Variants in FASTKD1 observed in about 807,000 individuals in gnomAD.
The protein encoded by FASTKD1 is FAST kinase domain-containing protein 1, mitochondrial.
Under a neutral mutation model 90.9 loss-of-function variants are expected in FASTKD1, and 94 were observed. The observed-to-expected ratio is 1.03, with a 90% CI of 0.88 to 1.23. FASTKD1 has a LOEUF of 1.23. Ranked by LOEUF, FASTKD1 falls within the 50% of genes most tolerant of loss-of-function variation. The pLI is 0.00. For synonymous variants in FASTKD1, 319 were observed against 345.8 expected, an observed-to-expected ratio of 0.92 and a Z score of 0.86; for missense variants, 945 against 993.5, an observed-to-expected ratio of 0.95 and a Z score of 0.66.
chr2:169,554,622 C>T (rs1574395142), intron 7 of FASTKD1, among the ~76,000 whole-genome samples: 1 of 113,890 alleles, frequency 8.8e-6, no homozygotes, highest in Admixed American at 8.0e-5. Context: ...CAAGATTGCT[C>T]CACTGCACTC....
intron 7 of FASTKD1, among the ~76,000 whole-genome samples, chr2:169,549,675 C>T (rs897092479): frequency 6.6e-6 from 1 of 152,074 alleles, no homozygotes; most frequent in African/African-American, 2.4e-5. Flanking sequence ...CTTTATTGCC[C>T]AGGCTGGTCT....
chr2:169,563,794 T>C (rs1683825548), intron 3 of FASTKD1, among the ~76,000 whole-genome samples: 1 of 152,042 alleles, frequency 6.6e-6, no homozygotes, highest in African/African-American at 2.4e-5. Context: ...CAGCAACACA[T>C]ATGTAATAGC....
In FASTKD1 at chr2:169,547,973, G is replaced by A. The variant is rs35463730; in HGVS notation, c.1215-1269C>T. Among the ~76,000 whole-genome samples, 87 of 94,856 alleles carry A rather than the reference G, an allele frequency of 9.2e-4. 2 individuals are homozygous for A. In the South Asian group the frequency reaches 0.028, roughly 31 times the overall value. The allele number at this position is 94,856 out of a possible 152,430, so 62.2% of individuals were successfully genotyped here. A position where few individuals can be genotyped will look rare whatever the true frequency, so the allele number is the denominator to read the frequency against. ...TAAAGGATTATTCAGGAAAGCCTAA[G>A]ACTTCCTGATGCCCTCCGTCTCAAA... On this transcript the variant is annotated intron_variant, in intron 7 of 14. Coordinates refer to ENST00000453153, the MANE Select transcript of FASTKD1 (RefSeq NM_024622.6).
At chr2:169,569,054 C>G (rs1433087993) in intron 3 of FASTKD1, 130 bp downstream of exon 3, 2 of 724,516 alleles carry the variant, frequency 2.8e-6, no homozygotes, top group Non-Finnish European at 2.3e-6. Flanking sequence ...TAAAACTAAA[C>G]TGAGTTTAAA....
intron 2 of FASTKD1, among the ~76,000 whole-genome samples, chr2:169,569,627 G>T (rs904063415): frequency 1.3e-5 from 2 of 152,304 alleles, no homozygotes; most frequent in Admixed American, 1.3e-4. Flanking sequence ...GAGGCGGGCG[G>T]ATCACTTAAG....
chr2:169,552,980 GCGGAT>G (rs1213312068), intron 7 of FASTKD1, among the ~76,000 whole-genome samples: 2 of 152,062 alleles, frequency 1.3e-5, no homozygotes, highest in Non-Finnish European at 2.9e-5. Context: ...GCCAAAGCAG[GCGGAT>G]CACTTGAGGT....
chr2:169,568,532 C>A (rs368250770), intron 3 of FASTKD1, among the ~76,000 whole-genome samples: 7 of 147,212 alleles, frequency 4.8e-5, no homozygotes, highest in African/African-American at 1.7e-4. Context: ...GTGGCTCATG[C>A]ATATAAACCC....
chr2:169,553,339 T>C (rs1685586481), intron 7 of FASTKD1, among the ~76,000 whole-genome samples: 1 of 149,492 alleles, frequency 6.7e-6, no homozygotes, highest in Non-Finnish European at 1.5e-5. Context: ...CATTTCTAAT[T>C]TAGAACATAA....
chr2:169,569,721 T>G (rs1234931391), intron 2 of FASTKD1, among the ~76,000 whole-genome samples: 3 of 152,024 alleles, frequency 2.0e-5, no homozygotes, highest in Non-Finnish European at 4.4e-5. Flanking sequence ...CGTGGTGGCA[T>G]GTGCCTTTAA....
At position 169,546,417 on chromosome 2, in the gene FASTKD1, C is replaced by T. The variant is rs775202630; in HGVS notation, c.1502G>A (p.Arg501Gln). The T allele has an allele frequency of 3.1e-6, 5 of 1,613,972 alleles. No homozygotes were observed. Among genetic ancestry groups the T allele is most frequent in the Admixed American group, 1.7e-5 (1 of 59,992 alleles). ...LQHSNSLDLL[R>Q]KELKSLKGNT... is the part of the protein sequence containing the mutation. ...TCCTTTGAGAGATTTAAGTTCCTTC[C>T]GTAACAGATCCAAACTGTTGCTGTG... Residue 501 changes from arginine to glutamine, a missense_variant, in exon 8 of 15, where the codon CGG (arginine) becomes CAG (glutamine). Coordinates refer to ENST00000453153, the MANE Select transcript of FASTKD1 (RefSeq NM_024622.6).
At position 169,538,056 on chromosome 2, in the gene FASTKD1, C is replaced by T; in HGVS notation, c.2031G>A (p.Gln677=). 1 of 1,611,810 alleles carries T rather than the reference C, an allele frequency of 6.2e-7. No homozygotes were observed. Among genetic ancestry groups the T allele is most frequent in the Non-Finnish European group, 8.5e-7 (1 of 1,179,278 alleles). ...RSVCLECPEF[Q]IPWFHDRFCQ... ...AGAAGCGGTCATGAAACCATGGAAT[C>T]TGAAACTCAGGGCATTCCAAGCAGA... The change falls in exon 11 of 15, where the codon CAG becomes CAA. Residue 677 remains glutamine (Q), a synonymous_variant. Coordinates refer to ENST00000453153, the MANE Select transcript of FASTKD1 (RefSeq NM_024622.6).
At chr2:169,553,270 G>GAAAAA (rs1559149845) in intron 7 of FASTKD1, among the ~76,000 whole-genome samples, 2 of 7,518 alleles carry the variant, frequency 2.7e-4, no homozygotes, top group South Asian at 5.3e-3. Context: ...TTAAAAGCAT[G>GAAAAA]CAAAAAAAAA....
chr2:169,544,158 C>T lies in FASTKD1; in HGVS notation c.1816+563G>A, dbSNP rs114188632. On this transcript the variant is annotated intron_variant, in intron 9 of 14. Coordinates refer to ENST00000453153, the MANE Select transcript of FASTKD1 (RefSeq NM_024622.6). ...AAAATAAGAGAGTCAGAGAAACAAA[C>T]GGATAAGGCAAACACTGTAAAATGT... 5.5e-3 allele frequency among the ~76,000 whole-genome samples: 837 copies of T among 152,198 alleles called. 12 individuals carry two copies. Among genetic ancestry groups the T allele is most frequent in the African/African-American group, 0.019 (789 of 41,534 alleles).
chr2:169,548,230 C>A (rs1259514319), intron 7 of FASTKD1, among the ~76,000 whole-genome samples: 1 of 151,960 alleles, frequency 6.6e-6, no homozygotes, highest in Admixed American at 6.6e-5. Flanking sequence ...TCTGATATCA[C>A]CTGTCAGGCC....
chr2:169,546,433 T>C lies in FASTKD1; in HGVS notation c.1486A>G (p.Ser496Gly). 1 of 1,614,204 alleles carries C rather than the reference T, an allele frequency of 6.2e-7. No homozygotes were observed. Among genetic ancestry groups the C allele is most frequent in the Non-Finnish European group, 8.5e-7 (1 of 1,180,040 alleles). Residue 496 changes from serine to glycine, a missense_variant, in exon 8 of 15, where the codon AGT (serine) becomes GGT (glycine). Physicochemically the swap from Ser to Gly is moderately conservative, Grantham distance 56. Coordinates refer to ENST00000453153, the MANE Select transcript of FASTKD1 (RefSeq NM_024622.6). Reference sequence around the variant, plus strand: ...AGTTCCTTCCGTAACAGATCCAAACTGTTGCTGTGTTGTAGTCTCTGACGA... The same window carrying C: ...AGTTCCTTCCGTAACAGATCCAAACCGTTGCTGTGTTGTAGTCTCTGACGA... ...YGRQRLQHSN[S>G]LDLLRKELKS...
chr2:169,561,744 C>CATTATAAATTATTTATTAATTT (rs1553538834), intron 4 of FASTKD1, among the ~76,000 whole-genome samples: 19,340 of 64,220 alleles, frequency 0.3, 4,670 homozygotes, highest in East Asian at 0.44. Context: ...ATTAATTATT[C>CATTATAAATTATTTATTAATTT]ATTATAAATT....
chr2:169,567,943 T>A (rs536019837), intron 3 of FASTKD1, among the ~76,000 whole-genome samples: 1 of 150,094 alleles, frequency 6.7e-6, no homozygotes, highest in East Asian at 1.9e-4. Flanking sequence ...AAAATGAGTC[T>A]GCTATTATCT....
At chr2:169,548,787 T>C (rs998312355) in intron 7 of FASTKD1, among the ~76,000 whole-genome samples, 3 of 103,356 alleles carry the variant, frequency 2.9e-5, no homozygotes, top group Non-Finnish European at 6.4e-5. Context: ...GAAGGAATAA[T>C]ACAATCTAAA....
intron 13 of FASTKD1, 122 bp downstream of exon 13, chr2:169,531,230 G>T: frequency 9.8e-7 from 1 of 1,015,712 alleles, no homozygotes; most frequent in Non-Finnish European, 1.6e-6. Flanking sequence ...TTACAAAGGT[G>T]GAATGCATGA....
Sources: allele counts gnomAD v4.1 joint callset (sites outside exome capture counted in the v4.1 genomes callset), GRCh38; gene constraint gnomAD v4.1.1; transcripts MANE v1.5; gene names NCBI Gene and HGNC (gene_info 2026-07-23, HGNC 2026-07-21).